CFAP20DC: variants seen among roughly 807,000 people sequenced by gnomAD.
CFAP20DC encodes CFAP20 domain containing.
Under a neutral mutation model 101.7 loss-of-function variants are expected in CFAP20DC, and 84 were observed. That is an observed-to-expected ratio of 0.83 (90% CI 0.69 to 0.99). The LOEUF (loss-of-function observed/expected upper bound fraction) is 0.99. Ranked by LOEUF, CFAP20DC falls within the 50% of genes least tolerant of loss-of-function variation. The pLI, the probability that CFAP20DC is intolerant of heterozygous loss-of-function variation, is 0.00. For missense variants in CFAP20DC, 1,007 were observed against 970.3 expected (o/e 1.04, Z -0.50); for synonymous variants, 359 against 351.2 (o/e 1.02, Z -0.25).
Position 58,863,841 on chromosome 3 carries a change from C to T in CFAP20DC, c.1310G>A (p.Ser437Asn), listed in dbSNP as rs1489912517. 1.2e-6 allele frequency: 2 copies of T among 1,614,048 alleles called. No homozygotes were observed. The highest frequency in any genetic ancestry group is 2.2e-5 in the East Asian group (1 of 44,884). The change falls in exon 12 of 17, where the codon AGC becomes AAC. Residue 437 changes from serine (S) to asparagine (N), a missense_variant. By Grantham distance (46) the Ser-to-Asn change is conservative (BLOSUM62 1). Transcript: ENST00000482387. This position sits in a 1 kb window ranked among gnomAD's most constrained non-coding sequence, Gnocchi z 5.9. ...ATCACCCAGAAGTAGAGACTGTCTG[C>T]TGGATGCCAGATATGAAATGTGATC... is the stretch of plus-strand genomic sequence containing the variant. The part of the protein sequence containing the change: ...NADHISYLAS[S>N]RQSLLLGDDS...
chr3:58,802,470 G>A (rs999811573), intron 15 of CFAP20DC, among the ~76,000 whole-genome samples: 1 of 152,214 alleles, frequency 6.6e-6, no homozygotes, highest in East Asian at 1.9e-4. Flanking sequence ...TTTGGTGGAC[G>A]CTGGAGGCAA....
intron 4 of CFAP20DC, among the ~76,000 whole-genome samples, chr3:58,959,878 C>G (rs2090982221): frequency 6.6e-6 from 1 of 152,186 alleles, no homozygotes; most frequent in Non-Finnish European, 1.5e-5. Context: ...TCTTCCAAAT[C>G]AATGTCTCTG....
At chr3:58,807,074 C>A (rs111305652) in intron 14 of CFAP20DC, among the ~76,000 whole-genome samples, 18,353 of 152,152 alleles carry the variant, frequency 0.12, 2,010 homozygotes, top group East Asian at 0.35. Context: ...GGAAGCTCGA[C>A]CTGGGTGGAG....
intron 4 of CFAP20DC, among the ~76,000 whole-genome samples, chr3:58,950,407 C>A (rs990024586): frequency 6.6e-6 from 1 of 152,166 alleles, no homozygotes; most frequent in African/African-American, 2.4e-5. Flanking sequence ...TTGGAAAAAA[C>A]TACTTTAAAG....
At position 58,756,964 on chromosome 3, in the gene CFAP20DC, A is replaced by T. The variant is rs147243603; in HGVS notation, c.2238-3101T>A. On this transcript the variant is annotated intron_variant, in intron 15 of 16. Transcript: ENST00000482387. ...ACTATCATTCATTTCACCCTCTTCTATGTTTGAGCATGTTTTCAATGTTTT... is the reference window on the plus strand; with the variant it reads ...ACTATCATTCATTTCACCCTCTTCTTTGTTTGAGCATGTTTTCAATGTTTT... Among the ~76,000 whole-genome samples, 802 of 152,122 alleles carry T rather than the reference A, an allele frequency of 5.3e-3. 9 individuals carry two copies. The highest frequency in any genetic ancestry group is 0.018 in the African/African-American group (755 of 41,520).
At chr3:58,737,664 TC>T (rs2067789069), downstream of CFAP20DC, among the ~76,000 whole-genome samples, 3 of 152,156 alleles carry the variant, frequency 2.0e-5, no homozygotes, top group South Asian at 6.2e-4. The surrounding 1 kb of genome is among the most constrained non-coding windows in gnomAD (Gnocchi z 4.1). Context: ...ATGGACCTCT[TC>T]CCCACTCCCA....
At chr3:58,765,302 A>G (rs763936684) in intron 15 of CFAP20DC, among the ~76,000 whole-genome samples, 1 of 152,236 alleles carries the variant, frequency 6.6e-6, no homozygotes, top group East Asian at 1.9e-4. Context: ...ACACGCACAC[A>G]CATATACACA....
intron 4 of CFAP20DC, among the ~76,000 whole-genome samples, chr3:58,992,854 G>C (rs1183048330): frequency 6.6e-6 from 1 of 151,552 alleles, no homozygotes; most frequent in Non-Finnish European, 1.5e-5. Context: ...CCAAAAAAGG[G>C]GAAAGCTTAT....
At chr3:58,950,576 G>C (rs1441480222) in intron 4 of CFAP20DC, among the ~76,000 whole-genome samples, 1 of 152,042 alleles carries the variant, frequency 6.6e-6, no homozygotes, top group Non-Finnish European at 1.5e-5. Flanking sequence ...TAGACCAATG[G>C]AACAGAACAG....
chr3:58,939,407 T>A (rs1239391722), intron 4 of CFAP20DC, among the ~76,000 whole-genome samples: 1 of 152,188 alleles, frequency 6.6e-6, no homozygotes, highest in African/African-American at 2.4e-5. Flanking sequence ...ACAGTTTTAT[T>A]AAAGGGCTAC....
Position 58,736,259 on chromosome 3 carries a change from T to G in CFAP20DC, c.197+17510A>C, listed in dbSNP as rs2067752861. Among the ~76,000 whole-genome samples the G allele has an allele frequency of 3.9e-5, 6 of 152,310 alleles. No individual in the cohort carries two copies. The South Asian group carries it at 1.2e-3, about 32-fold the overall frequency. ...AAAAGTTTTAAAGGAAAAAGGAAGC[T>G]CTCTTCAACTGAGTTGGCTAAAAGG... is the stretch of plus-strand genomic sequence containing the variant. On this transcript the variant is annotated intron_variant, in intron 3 of 3. Coordinates refer to the CFAP20DC transcript ENST00000486145.
chr3:58,809,590 A>G (rs913847609), intron 14 of CFAP20DC, among the ~76,000 whole-genome samples: 278 of 152,264 alleles, frequency 1.8e-3, no homozygotes, highest in Non-Finnish European at 2.6e-3. Context: ...AATGCCCACA[A>G]GAGAAAGCAG....
chr3:58,767,444 C>T (rs149114437), intron 15 of CFAP20DC, among the ~76,000 whole-genome samples: 1 of 152,252 alleles, frequency 6.6e-6, no homozygotes, highest in East Asian at 1.9e-4. Flanking sequence ...TTTTAAAAAA[C>T]TAAAACATAT....
chr3:58,840,263 G>C (rs1042608642), intron 13 of CFAP20DC, among the ~76,000 whole-genome samples: 15 of 152,124 alleles, frequency 9.9e-5, no homozygotes, highest in Admixed American at 8.5e-4. Context: ...ATATCAGACT[G>C]TTTTCCAAAA....
intron 13 of CFAP20DC, 83 bp from the exon 14 acceptor site, chr3:58,831,972 C>T: frequency 8.5e-7 from 1 of 1,174,514 alleles, no homozygotes. Context: ...TTAACCCCTA[C>T]AGCAGCTCCC....
At chr3:58,979,320 T>C (rs1249643212) in intron 4 of CFAP20DC, among the ~76,000 whole-genome samples, 2 of 152,232 alleles carry the variant, frequency 1.3e-5, no homozygotes, top group East Asian at 3.8e-4. Context: ...GGAATAAAAG[T>C]AGTCTCTATC....
At chr3:58,775,549 T>C (rs2071249211) in intron 15 of CFAP20DC, among the ~76,000 whole-genome samples, 1 of 152,128 alleles carries the variant, frequency 6.6e-6, no homozygotes, top group African/African-American at 2.4e-5. Context: ...AGAATTCAAG[T>C]TGATCTTAAT....
chr3:58,908,688 A>AC (rs2083846638), intron 6 of CFAP20DC, among the ~76,000 whole-genome samples: 1 of 152,206 alleles, frequency 6.6e-6, no homozygotes, highest in African/African-American at 2.4e-5. Flanking sequence ...CCACAAAAAA[A>AC]CCCCACACAA....
chr3:58,862,287 C>G (rs2079315930), intron 12 of CFAP20DC: 4 of 985,258 alleles, frequency 4.1e-6, no homozygotes, highest in Non-Finnish European at 4.8e-6. Context: ...CAGTTTAGAC[C>G]ATGGAAGGAT....
Sources: allele counts gnomAD v4.1 joint callset (sites outside exome capture counted in the v4.1 genomes callset), GRCh38; gene constraint gnomAD v4.1.1; non-coding constraint Gnocchi (gnomAD v3.1); transcripts MANE v1.5; gene names NCBI Gene and HGNC (gene_info 2026-07-23, HGNC 2026-07-21).